The following PCDHA5 variants were observed in gnomAD, a reference collection of about 807,000 sequenced individuals.
PCDHA5 encodes protocadherin alpha-5.
PCDHA5 carries 43 observed loss-of-function variants against 61.6 expected under a neutral mutation model. The ratio of observed to expected loss-of-function variants is 0.70; its 90% CI spans 0.55 to 0.90. The LOEUF is 0.90. Ranked by LOEUF, PCDHA5 falls within the 40% of genes least tolerant of loss-of-function variation. The pLI, the probability that PCDHA5 is intolerant of heterozygous loss-of-function variation, is 0.00. For synonymous variants in PCDHA5, 627 were observed against 543.9 expected, an observed-to-expected ratio of 1.15 and a Z score of -2.13; for missense variants, 1,298 against 1,222.7, an observed-to-expected ratio of 1.06 and a Z score of -0.92.
At chr5:140,867,441 G>C (rs1188505395) in intron 1 of PCDHA5, 1 of 152,032 alleles carries the variant, frequency 6.6e-6, no homozygotes, top group Non-Finnish European at 1.5e-5. Flanking sequence ...GCATTTACCT[G>C]AATTAGAGTT....
chr5:140,862,862 C>T (rs782494104), intron 1 of PCDHA5: 1 of 507,446 alleles, frequency 2.0e-6, no homozygotes, highest in African/African-American at 3.1e-5. Flanking sequence ...AGCAATGTGA[C>T]GCTGCCAGGT....
intron 1 of PCDHA5, among the ~76,000 whole-genome samples, chr5:140,838,693 C>T (rs2150291585): frequency 7.9e-5 from 12 of 151,860 alleles, no homozygotes; most frequent in East Asian, 7.7e-4. Flanking sequence ...CCCAACATTT[C>T]GGGAGGCCGA....
At chr5:140,973,862 A>G (rs1438238778) in intron 1 of PCDHA5, among the ~76,000 whole-genome samples, 2 of 152,196 alleles carry the variant, frequency 1.3e-5, no homozygotes, top group Non-Finnish European at 2.9e-5. Flanking sequence ...TTTGCTCTCA[A>G]TGAGAGGTCA....
intron 1 of PCDHA5, among the ~76,000 whole-genome samples, chr5:140,904,620 A>T (rs1419190047): frequency 6.6e-6 from 1 of 151,986 alleles, no homozygotes; most frequent in Non-Finnish European, 1.5e-5. Flanking sequence ...TTTTACTTTT[A>T]GTTCTTTAAG....
At chr5:140,827,393 T>A (rs1554130775) in intron 1 of PCDHA5, among the ~76,000 whole-genome samples, 1 of 152,206 alleles carries the variant, frequency 6.6e-6, no homozygotes, top group African/African-American at 2.4e-5. Flanking sequence ...GCAGATAAAT[T>A]AAATGTGATA....
At chr5:140,851,173 A>G in intron 1 of PCDHA5, 1 of 1,267,370 alleles carries the variant, frequency 7.9e-7, no homozygotes, top group South Asian at 2.8e-5. Context: ...CTGCCATAAC[A>G]CTTGAAAACC....
chr5:140,821,624 A>C lies in PCDHA5; in HGVS notation c.-152A>C. On this transcript the variant is annotated 5_prime_UTR_variant, in exon 1 of 4. Coordinates refer to ENST00000529859, the MANE Select transcript of PCDHA5 (RefSeq NM_018908.3). ...GGAATACAGTGAGTAGATTTTCCTT[A>C]GACAGAAAGGAAAAGAACCTTCCAT... 1 of 893,550 alleles carries C rather than the reference A, an allele frequency of 1.1e-6. No homozygotes were observed. Among genetic ancestry groups the C allele is most frequent in the Non-Finnish European group, 1.7e-6 (1 of 605,316 alleles). The allele number at this position is 893,550 out of a possible 1,614,324, so 55.4% of individuals were successfully genotyped here.
chr5:140,914,288 T>C (rs2076666061), intron 1 of PCDHA5, among the ~76,000 whole-genome samples: 1 of 152,210 alleles, frequency 6.6e-6, no homozygotes, highest in African/African-American at 2.4e-5. Flanking sequence ...ATAATTGTTA[T>C]ATCCTCTTGC....
chr5:140,895,500 G>A (rs1554186539), intron 1 of PCDHA5, among the ~76,000 whole-genome samples: 2 of 152,046 alleles, frequency 1.3e-5, no homozygotes, highest in African/African-American at 2.4e-5. Context: ...CAGAACTTTT[G>A]CCCAATTTTT....
intron 1 of PCDHA5, chr5:140,870,008 G>A (rs2051578395): frequency 1.2e-6 from 2 of 1,613,528 alleles, no homozygotes; most frequent in Non-Finnish European, 1.7e-6. Flanking sequence ...GGAGAAGTGA[G>A]GGTCAATGGA....
intron 1 of PCDHA5, among the ~76,000 whole-genome samples, chr5:140,964,876 G>A (rs2095860081): frequency 6.6e-6 from 1 of 152,188 alleles, no homozygotes; most frequent in Non-Finnish European, 1.5e-5. Flanking sequence ...CAAATAAGAA[G>A]CAGCAGTGAT....
intron 1 of PCDHA5, among the ~76,000 whole-genome samples, chr5:140,940,458 C>T (rs1041159084): frequency 4.0e-5 from 6 of 151,806 alleles, no homozygotes; most frequent in African/African-American, 1.5e-4. Context: ...TTATAGGTTT[C>T]TGTTCCCTGC....
intron 3 of PCDHA5, among the ~76,000 whole-genome samples, chr5:140,989,704 A>G (rs1011656518): frequency 9.2e-5 from 14 of 152,202 alleles, no homozygotes; most frequent in Admixed American, 9.2e-4. Context: ...TTTTATCTTC[A>G]GAGGCAGTCA....
intron 1 of PCDHA5, chr5:140,859,302 A>G (rs1280073821): frequency 4.7e-5 from 6 of 128,898 alleles, no homozygotes; most frequent in Non-Finnish European, 1.1e-4. Context: ...CTTTAGTATG[A>G]ATTAATATTA....
At chr5:140,981,939 A>G (rs765176340) in intron 2 of PCDHA5, among the ~76,000 whole-genome samples, 1 of 152,180 alleles carries the variant, frequency 6.6e-6, no homozygotes, top group Non-Finnish European at 1.5e-5. Context: ...CTCAGGAAAT[A>G]TAGGGTGGGT....
rs56843453 is a variant in PCDHA5 at position 141,000,391 on chromosome 5, C to A, written c.2501-9236C>A. Reference sequence around the variant, plus strand: ...TCTCTCTCTCTCTCTCTCTCTCTCTCTCTCTATATATATATATATATATAT... The same window carrying A: ...TCTCTCTCTCTCTCTCTCTCTCTCTATCTCTATATATATATATATATATAT... On this transcript the variant is annotated intron_variant, in intron 3 of 3. Transcript: ENST00000529859. Among the ~76,000 whole-genome samples the A allele has an allele frequency of 8.6e-3, 487 of 56,544 alleles. 1 individual carries two copies. Among genetic ancestry groups the A allele is most frequent in the Non-Finnish European group, 9.4e-3 (310 of 32,842 alleles). The allele number at this position is 56,544 out of a possible 152,430, so 37.1% of individuals were successfully genotyped here.
At chr5:140,843,385 T>C (rs2150358841) in intron 1 of PCDHA5, 2 of 1,595,900 alleles carry the variant, frequency 1.3e-6, no homozygotes, top group Admixed American at 1.7e-5. Context: ...GCGTTTTGGG[T>C]CCGGAAGCGG....
chr5:141,003,511 C>T (rs2098128112), intron 3 of PCDHA5, among the ~76,000 whole-genome samples: 2 of 152,114 alleles, frequency 1.3e-5, no homozygotes, highest in African/African-American at 4.8e-5. Flanking sequence ...TGGGGTTTCA[C>T]CATGTTCCCT....
intron 1 of PCDHA5, among the ~76,000 whole-genome samples, chr5:140,837,759 C>T (rs1554136626): frequency 6.6e-6 from 1 of 151,774 alleles, no homozygotes; most frequent in Non-Finnish European, 1.5e-5. Context: ...CCACTGCAAC[C>T]TGAAAGTCCT....
Sources: allele counts gnomAD v4.1 joint callset (sites outside exome capture counted in the v4.1 genomes callset), GRCh38; gene constraint gnomAD v4.1.1; transcripts MANE v1.5; gene names NCBI Gene and HGNC (gene_info 2026-07-23, HGNC 2026-07-21).